The following GHR variants were observed in gnomAD, a reference collection of about 807,000 sequenced individuals.
GHR encodes growth hormone receptor.
Under a neutral mutation model 67.1 loss-of-function variants are expected in GHR, and 35 were observed. The ratio of observed to expected loss-of-function variants is 0.52; its 90% CI spans 0.40 to 0.69. The LOEUF (loss-of-function observed/expected upper bound fraction) is 0.69, where lower values mean the gene tolerates loss of function less well. Ranked by LOEUF, GHR falls within the 30% of genes least tolerant of loss-of-function variation. The pLI is 0.00. For missense variants in GHR, 792 were observed against 764.6 expected, an observed-to-expected ratio of 1.04 and a Z score of -0.42; for synonymous variants, 272 against 269.1, an observed-to-expected ratio of 1.01 and a Z score of -0.10.
At chr5:42,492,629 G>T (rs1746163549) in intron 1 of GHR, among the ~76,000 whole-genome samples, 1 of 152,184 alleles carries the variant, frequency 6.6e-6, no homozygotes, top group Non-Finnish European at 1.5e-5. Context: ...GGTAGATTCT[G>T]AACTAACATT....
At position 42,647,574 on chromosome 5, in the gene GHR, C is replaced by CAAA. The variant is rs36110641; in HGVS notation, c.136+18485_136+18487dup. 2,585 of 324,650 alleles carry CAAA rather than the reference C, an allele frequency of 8.0e-3. 2 individuals are homozygous for CAAA. The highest frequency in any genetic ancestry group is 0.01 in the Non-Finnish European group (1,739 of 170,994). The allele number at this position is 324,650 out of a possible 1,614,324, so 20.1% of individuals were successfully genotyped here. A position where few individuals can be genotyped will look rare whatever the true frequency, so the allele number is the denominator to read the frequency against. On this transcript the variant is annotated intron_variant, in intron 3 of 9. Coordinates refer to ENST00000230882, the MANE Select transcript of GHR (RefSeq NM_000163.5). Reference sequence around the variant, plus strand: ...GGGCGACAGAGCAAGACTGCGTCTCCAAAAAAAAAAAAAAAAGTCAAGGGC... The same window carrying CAAA: ...GGGCGACAGAGCAAGACTGCGTCTCCAAAAAAAAAAAAAAAAAAAGTCAAGGGC...
At chr5:42,500,979 C>G (rs1746518376) in intron 1 of GHR, among the ~76,000 whole-genome samples, 1 of 152,164 alleles carries the variant, frequency 6.6e-6, no homozygotes, top group Non-Finnish European at 1.5e-5. Flanking sequence ...GGTGAGTATT[C>G]AATTGCTTGA....
chr5:42,468,711 G>T, intron 1 of GHR: 1 of 973,092 alleles, frequency 1.0e-6, no homozygotes. Context: ...AGCCTGAGCT[G>T]CCGCTCTTGG....
intron 1 of GHR, among the ~76,000 whole-genome samples, chr5:42,487,218 C>T (rs796136996): frequency 3.9e-5 from 6 of 152,194 alleles, no homozygotes; most frequent in South Asian, 2.1e-4. Flanking sequence ...ATCACTTACA[C>T]TTTTCTTCTG....
intron 3 of GHR, among the ~76,000 whole-genome samples, chr5:42,687,185 A>G (rs1352946962): frequency 6.6e-6 from 1 of 152,228 alleles, no homozygotes; most frequent in African/African-American, 2.4e-5. Context: ...GGACACAAAC[A>G]AATGGAAAAA....
rs933355797 is a variant in GHR, at chr5:42,600,918, C to CTTTTTTTTTTTT, written c.71-28106_71-28095dup. ...GAAATTAAAATCTATTCTTTCTATTCTTTTTTTTTTTTTTTTTTTTTTTTT... is the reference window on the plus strand; with the variant it reads ...GAAATTAAAATCTATTCTTTCTATTCTTTTTTTTTTTTTTTTTTTTTTTTTTTTTTTTTTTTT... On this transcript the variant is annotated intron_variant, in intron 2 of 9. Transcript: ENST00000230882. Among the ~76,000 whole-genome samples the CTTTTTTTTTTTT allele has an allele frequency of 5.2e-4, 35 of 66,694 alleles. 1 individual carries two copies. The highest frequency in any genetic ancestry group is 3.8e-3 in the East Asian group (8 of 2,128). 43.8% of individuals were successfully genotyped at this position (66,694 alleles called of 152,430 possible).
chr5:42,468,965 T>C (rs1419662183), intron 1 of GHR: 1 of 406,086 alleles, frequency 2.5e-6, no homozygotes, highest in Non-Finnish European at 4.5e-6. Flanking sequence ...AAGAACAATT[T>C]TTTTGAAATC....
chr5:42,600,492 C>G (rs183413685), intron 2 of GHR, among the ~76,000 whole-genome samples: 1 of 152,194 alleles, frequency 6.6e-6, no homozygotes, highest in Admixed American at 6.5e-5. Context: ...AAGAGTCTTG[C>G]TCTTGAGTGA....
intron 2 of GHR, among the ~76,000 whole-genome samples, chr5:42,586,551 G>A (rs1215267440): frequency 6.6e-6 from 1 of 152,208 alleles, no homozygotes; most frequent in Non-Finnish European, 1.5e-5. Context: ...GCTTTTAGGA[G>A]AGAAGTTTAA....
chr5:42,695,020 C>A lies in GHR; in HGVS notation c.370C>A (p.Pro124Thr), dbSNP rs1368599025. 6.2e-7 allele frequency: 1 copy of A among 1,609,462 alleles called. No homozygotes were observed. The highest frequency in any genetic ancestry group is 8.5e-7 in the Non-Finnish European group (1 of 1,175,812). ...FNSSFTSIWI[P>T]YCIKLTSNGG... ...TTCATCGTTTACCTCCATCTGGATACCTTATTGTATCAAGCTAACTAGCAA... is the reference window on the plus strand; with the variant it reads ...TTCATCGTTTACCTCCATCTGGATAACTTATTGTATCAAGCTAACTAGCAA... Residue 124 changes from proline to threonine, a missense_variant, in exon 5 of 10, where the codon CCT (proline) becomes ACT (threonine). By Grantham distance (38) the Pro-to-Thr change is conservative. Transcript: ENST00000230882.
chr5:42,661,238 C>G (rs1285309944), intron 3 of GHR, among the ~76,000 whole-genome samples: 3 of 152,130 alleles, frequency 2.0e-5, no homozygotes, highest in African/African-American at 7.2e-5. Flanking sequence ...CATTCAGATT[C>G]AGGAAATACA....
chr5:42,556,440 ATTTG>A (rs1749313670), intron 1 of GHR, among the ~76,000 whole-genome samples: 2 of 152,176 alleles, frequency 1.3e-5, no homozygotes, highest in African/African-American at 4.8e-5. Flanking sequence ...ACATCTTTAA[ATTTG>A]TTTAAGGAAC....
intron 2 of GHR, among the ~76,000 whole-genome samples, chr5:42,627,429 G>A (rs1753757910): frequency 6.6e-6 from 1 of 152,152 alleles, no homozygotes; most frequent in Non-Finnish European, 1.5e-5. Context: ...TTTTAAAAGG[G>A]GGATTATTAT....
rs1756405034 is a variant in GHR, at chr5:42,673,208, A to G, written c.137-15682A>G. Among the ~76,000 whole-genome samples the G allele has an allele frequency of 2.0e-5, 3 of 152,166 alleles. No individual in the cohort carries two copies. In the South Asian group the frequency reaches 6.2e-4, roughly 32 times the overall value. ...AAATGCAAATCAAAACCACAATAAT[A>G]TGCTATATCACACCAGTCAGAATAG... On this transcript the variant is annotated intron_variant, in intron 3 of 9. Coordinates refer to ENST00000230882, the MANE Select transcript of GHR (RefSeq NM_000163.5).
intron 1 of GHR, among the ~76,000 whole-genome samples, chr5:42,478,742 GA>G (rs1267150298): frequency 6.6e-6 from 1 of 152,182 alleles, no homozygotes; most frequent in Non-Finnish European, 1.5e-5. Context: ...TTTGTATCCT[GA>G]GACTTTGCTG....
At chr5:42,468,634 G>C in intron 1 of GHR, 1 of 1,081,606 alleles carries the variant, frequency 9.2e-7, no homozygotes, top group Non-Finnish European at 1.4e-6. Flanking sequence ...GCGGGTTCTT[G>C]CTGTCTTTCT....
chr5:42,525,196 A>G (rs77952122), intron 1 of GHR, among the ~76,000 whole-genome samples: 1 of 152,210 alleles, frequency 6.6e-6, no homozygotes, highest in Non-Finnish European at 1.5e-5. Flanking sequence ...ATGCCAGCCC[A>G]TGAAAGCAGA....
At chr5:42,516,211 C>T (rs993637312) in intron 1 of GHR, among the ~76,000 whole-genome samples, 3 of 152,152 alleles carry the variant, frequency 2.0e-5, no homozygotes, top group African/African-American at 7.2e-5. Flanking sequence ...AATTAGCCAC[C>T]TTGATTTCCA....
chr5:42,688,105 G>A (rs1579611609), intron 3 of GHR, among the ~76,000 whole-genome samples: 2 of 152,148 alleles, frequency 1.3e-5, no homozygotes, highest in African/African-American at 4.8e-5. Flanking sequence ...TTTACTGGCT[G>A]AATCTTTTAA....
Sources: allele counts gnomAD v4.1 joint callset (sites outside exome capture counted in the v4.1 genomes callset), GRCh38; gene constraint gnomAD v4.1.1; transcripts MANE v1.5; gene names NCBI Gene and HGNC (gene_info 2026-07-23, HGNC 2026-07-21).